HAX1: variants seen among roughly 807,000 people sequenced by gnomAD.
The protein encoded by HAX1 is HCLS1 associated protein X-1, also known as HCLS1-associated protein X-1.
In HAX1, 27 loss-of-function variants were observed where a neutral mutation model predicts 31.1. The ratio of observed to expected loss-of-function variants is 0.87; its 90% confidence interval spans 0.64 to 1.20. The LOEUF is 1.20. Among genes scored for constraint, HAX1 ranks in the 50% most tolerant of loss-of-function variants. The pLI, the probability that HAX1 is intolerant of heterozygous loss-of-function variation, is 0.00. For missense variants in HAX1, 357 were observed against 361.6 expected, an observed-to-expected ratio of 0.99 and a Z score of 0.10; for synonymous variants, 114 against 124.1, an observed-to-expected ratio of 0.92 and a Z score of 0.54.
In HAX1 at chr1:154,273,523, T is replaced by G. The variant is rs1318684198; in HGVS notation, c.241T>G (p.Phe81Val). The G allele has an allele frequency of 2.5e-6, 4 of 1,614,074 alleles. No homozygotes were observed. The African/African-American group carries it at 5.3e-5, about 22-fold the overall frequency. ...GGIRFHDNFG[F>V]DDLVRDFNSI... ...GATACGTTTCCACGATAACTTCGGC[T>G]TTGATGACCTAGTACGAGATTTCAA... The change falls in exon 2 of 7, where the codon TTT becomes GTT. Residue 81 changes from phenylalanine to valine, a missense_variant. Coordinates refer to ENST00000328703, the MANE Select transcript of HAX1 (RefSeq NM_006118.4).
Position 154,275,394 on chromosome 1 carries a change from T to C in HAX1, c.665T>C (p.Ile222Thr), listed in dbSNP as rs753448581. Reference sequence around the variant, plus strand: ...TATGGTGGGGACTTCTCTTTGTAGATAGTGGAGGAGCGCCGGACTGTGGTG... The same window carrying C: ...TATGGTGGGGACTTCTCTTTGTAGACAGTGGAGGAGCGCCGGACTGTGGTG... Reference protein sequence around the residue: ...SVTKITKPDGIVEERRTVVDS... With the variant: ...SVTKITKPDGTVEERRTVVDS... The change falls in exon 6 of 7, where the codon ATA (isoleucine) becomes ACA (threonine). Residue 222 changes from isoleucine (I) to threonine (T), a missense_variant and splice_region_variant. Coordinates refer to ENST00000328703, the MANE Select transcript of HAX1 (RefSeq NM_006118.4). 2 of 1,613,666 alleles carry C rather than the reference T, an allele frequency of 1.2e-6. No individual in the cohort carries two copies. The highest frequency in any genetic ancestry group is 1.7e-6 in the Non-Finnish European group (2 of 1,179,614).
At position 154,273,875 on chromosome 1, in the gene HAX1, A is replaced by G. The variant is rs202225401; in HGVS notation, c.418A>G (p.Ile140Val). The G allele has an allele frequency of 6.2e-7, 1 of 1,614,132 alleles. No individual in the cohort carries two copies. Among genetic ancestry groups the G allele is most frequent in the Non-Finnish European group, 8.5e-7 (1 of 1,180,038 alleles). ...GTATCCAGATAGTCACCAGCCCAGG[A>G]TCTTTGGGGGGGTCTTGGAGAGTGA... Reference protein sequence around the residue: ...LKYPDSHQPRIFGGVLESDAR... With the variant: ...LKYPDSHQPRVFGGVLESDAR... Residue 140 changes from isoleucine (I) to valine (V), a missense_variant, in exon 3 of 7, where the codon ATC becomes GTC. Ile to Val is a conservative substitution (Grantham distance 29). Coordinates refer to ENST00000328703, the MANE Select transcript of HAX1 (RefSeq NM_006118.4).
chr1:154,273,435 C>G lies in HAX1; in HGVS notation c.153C>G (p.Phe51Leu). The change falls in exon 2 of 7, where the codon TTC (phenylalanine) becomes TTG (leucine). Residue 51 changes from phenylalanine to leucine, a missense_variant. Physicochemically the swap from Phe to Leu is conservative, Grantham distance 22. Transcript: ENST00000328703. Reference sequence around the variant, plus strand: ...CATGGGGCCGTGGGAACCCAAGGTTCCATAGTCCTCAGCACCCCCCTGAGG... The same window carrying G: ...CATGGGGCCGTGGGAACCCAAGGTTGCATAGTCCTCAGCACCCCCCTGAGG... ...GGSWGRGNPR[F>L]HSPQHPPEEF... 1 of 1,614,128 alleles carries G rather than the reference C, an allele frequency of 6.2e-7. No individual in the cohort carries two copies. The highest frequency in any genetic ancestry group is 8.5e-7 in the Non-Finnish European group (1 of 1,180,024).
Position 154,273,355 on chromosome 1 carries a change from G to A in HAX1, c.73G>A (p.Gly25Arg). The A allele has an allele frequency of 6.2e-7, 1 of 1,613,296 alleles. No homozygotes were observed. Residue 25 changes from glycine to arginine, a missense_variant, in exon 2 of 7, where the codon GGA becomes AGA. Gly to Arg is a moderately radical substitution (Grantham distance 125, BLOSUM62 -2). Transcript: ENST00000328703. ...TCTCAGCCACAGAGATCCCTTTTTTGGAGGGATGACTCGAGATGAAGATGA... is the reference window on the plus strand; with the variant it reads ...TCTCAGCCACAGAGATCCCTTTTTTAGAGGGATGACTCGAGATGAAGATGA... ...GPRSHRDPFF[G>R]GMTRDEDDDE...
intron 1 of HAX1, 186 bp downstream of exon 1, chr1:154,272,962 A>G: frequency 1.5e-6 from 1 of 656,722 alleles, no homozygotes; most frequent in Admixed American, 2.5e-5. Context: ...AGAAACAGCA[A>G]ACTAAGCCTT....
rs186219647 is a variant in HAX1 at position 154,274,946 on chromosome 1, G to A, written c.505-4G>A. On this transcript the variant is annotated splice_polypyrimidine_tract_variant and splice_region_variant and intron_variant, in intron 3 of 6. Transcript: ENST00000328703. ...CTTTTCACTTACTATGGTTTCTTCT[G>A]CAGTTTGATGATGTATGGCCTATGG... The A allele has an allele frequency of 1.2e-4, 190 of 1,606,882 alleles. 2 individuals are homozygous for A. The highest frequency in any genetic ancestry group is 5.5e-4 in the Admixed American group (33 of 60,010).
chr1:154,273,179 C>G, intron 1 of HAX1, 157 bp from the exon 2 acceptor site: 1 of 699,252 alleles, frequency 1.4e-6, no homozygotes, highest in East Asian at 2.6e-5. Flanking sequence ...AAAGAACTGT[C>G]AGCCATTGTA....
intron 4 of HAX1, 37 bp downstream of exon 4, chr1:154,275,038 G>A: frequency 6.4e-7 from 1 of 1,563,574 alleles, no homozygotes; most frequent in Non-Finnish European, 8.8e-7. Context: ...CCAGCCTTTT[G>A]TTATTCTTCT....
chr1:154,273,902 G>T lies in HAX1; in HGVS notation c.445G>T (p.Ala149Ser). 1 of 1,614,126 alleles carries T rather than the reference G, an allele frequency of 6.2e-7. No homozygotes were observed. The highest frequency in any genetic ancestry group is 1.3e-5 in the African/African-American group (1 of 75,012). Residue 149 changes from alanine to serine, a missense_variant, in exon 3 of 7, where the codon GCA becomes TCA. Coordinates refer to ENST00000328703, the MANE Select transcript of HAX1 (RefSeq NM_006118.4). ...CTTTGGGGGGGTCTTGGAGAGTGAT[G>T]CAAGAAGTGAATCCCCCCAACCAGC... is the stretch of plus-strand genomic sequence containing the variant. ...RIFGGVLESD[A>S]RSESPQPAPD... is the part of the protein sequence containing the mutation.
chr1:154,275,044 C>A, intron 4 of HAX1, 43 bp downstream of exon 4: 1 of 1,537,778 alleles, frequency 6.5e-7, no homozygotes, highest in Non-Finnish European at 9.0e-7. Flanking sequence ...TTTTGTTATT[C>A]TTCTGAAGTT....
chr1:154,273,958 T>C lies in HAX1; in HGVS notation c.501T>C (p.His167=), dbSNP rs2149140060. The C allele has an allele frequency of 1.9e-6, 3 of 1,613,306 alleles. No homozygotes were observed. Among genetic ancestry groups the C allele is most frequent in the Middle Eastern group, 1.7e-4 (1 of 6,060 alleles). The change falls in exon 3 of 7, where the codon CAT becomes CAC. Residue 167 remains histidine (H), a synonymous_variant. Transcript: ENST00000328703. ...ACTGGGGCTCCCAGAGGCCATTTCA[T>C]AGGGTGAGTATCCCATCTGGTCCTG... ...APDWGSQRPF[H]RFDDVWPMDP...
In HAX1 at chr1:154,273,343, G is replaced by C. The variant is rs541476988; in HGVS notation, c.61G>C (p.Asp21His). 17 of 1,613,884 alleles carry C rather than the reference G, an allele frequency of 1.1e-5. No individual in the cohort carries two copies. The South Asian group carries it at 1.5e-4, about 15-fold the overall frequency. The change falls in exon 2 of 7, where the codon GAT becomes CAT. Residue 21 changes from aspartate (D) to histidine (H), a missense_variant. Physicochemically the swap from Asp to His is moderately conservative, Grantham distance 81 (BLOSUM62 -1). Coordinates refer to ENST00000328703, the MANE Select transcript of HAX1 (RefSeq NM_006118.4). Reference sequence around the variant, plus strand: ...ATCTGCCTCCACTCTCAGCCACAGAGATCCCTTTTTTGGAGGGATGACTCG... The same window carrying C: ...ATCTGCCTCCACTCTCAGCCACAGACATCCCTTTTTTGGAGGGATGACTCG... ...FGFPGPRSHR[D>H]PFFGGMTRDE...
At position 154,275,428 on chromosome 1, in the gene HAX1, G is replaced by A. The variant is rs1398388092; in HGVS notation, c.699G>A (p.Glu233=). ...AGCGCCGGACTGTGGTGGACAGTGA[G>A]GGCCGGACAGAGACTACAGTAACCC... is the stretch of plus-strand genomic sequence containing the variant. ...VEERRTVVDS[E]GRTETTVTRH... Residue 233 remains glutamate (E), a synonymous_variant, in exon 6 of 7, where the codon GAG becomes GAA. Coordinates refer to ENST00000328703, the MANE Select transcript of HAX1 (RefSeq NM_006118.4). 5 of 1,614,164 alleles carry A rather than the reference G, an allele frequency of 3.1e-6. No homozygotes were observed. The highest frequency in any genetic ancestry group is 2.5e-6 in the Non-Finnish European group (3 of 1,180,016).
chr1:154,273,863 C>T lies in HAX1; in HGVS notation c.406C>T (p.His136Tyr). 10 of 1,614,116 alleles carry T rather than the reference C, an allele frequency of 6.2e-6. No homozygotes were observed. The highest frequency in any genetic ancestry group is 7.6e-6 in the Non-Finnish European group (9 of 1,179,996). ...CTCAATGCTTAAGTATCCAGATAGT[C>T]ACCAGCCCAGGATCTTTGGGGGGGT... Reference protein sequence around the residue: ...RDSMLKYPDSHQPRIFGGVLE... With the variant: ...RDSMLKYPDSYQPRIFGGVLE... The change falls in exon 3 of 7, where the codon CAC becomes TAC. Residue 136 changes from histidine to tyrosine, a missense_variant. Transcript: ENST00000328703.
intron 4 of HAX1, 31 bp downstream of exon 4, chr1:154,275,032 C>G (rs1436374689): frequency 1.3e-6 from 2 of 1,573,334 alleles, no homozygotes; most frequent in Non-Finnish European, 1.7e-6. Context: ...AGTTTACCAG[C>G]CTTTTGTTAT....
In HAX1 at chr1:154,273,863, CA is replaced by C. The variant is rs748595772; in HGVS notation, c.407del (p.His136ProfsTer78). 5.6e-6 allele frequency: 9 copies of C among 1,613,998 alleles called. No homozygotes were observed. Among genetic ancestry groups the C allele is most frequent in the Non-Finnish European group, 7.6e-6 (9 of 1,180,004 alleles). ...CTCAATGCTTAAGTATCCAGATAGTCACCAGCCCAGGATCTTTGGGGGGGTC... is the reference window on the plus strand; with the variant it reads ...CTCAATGCTTAAGTATCCAGATAGTCCCAGCCCAGGATCTTTGGGGGGGTC... ...RDSMLKYPDS[H>X]QPRIFGGVLE... On this transcript the variant is annotated frameshift_variant, in exon 3 of 7. Coordinates refer to ENST00000328703, the MANE Select transcript of HAX1 (RefSeq NM_006118.4). LOFTEE classifies it high-confidence loss of function.
chr1:154,275,665 G>A lies in HAX1; in HGVS notation c.804G>A (p.Leu268=), dbSNP rs766994372. 47 of 1,613,828 alleles carry A rather than the reference G, an allele frequency of 2.9e-5. No individual in the cohort carries two copies. In the South Asian group the frequency reaches 5.1e-4, roughly 17 times the overall value. Reference sequence around the variant, plus strand: ...CCCTGGATGATGCCTTTTCCATCCTGGACTTATTCCTGGGACGTTGGTTCC... The same window carrying A: ...CCCTGGATGATGCCTTTTCCATCCTAGACTTATTCCTGGGACGTTGGTTCC... ...PPALDDAFSI[L]DLFLGRWFRS... is the part of the protein sequence containing the mutation. Residue 268 remains leucine (L), a synonymous_variant, in exon 7 of 7, where the codon CTG becomes CTA. Transcript: ENST00000328703.
At chr1:154,273,150 TAAAAAA>T (rs373573437) in intron 1 of HAX1, 180 bp from the exon 2 acceptor site, 246 of 516,580 alleles carry the variant, frequency 4.8e-4, no homozygotes, top group Admixed American at 8.1e-4. Context: ...TGACTTTGAT[TAAAAAA>T]AAAAAAAAAA....
Position 154,275,480 on chromosome 1 carries a change from G to A in HAX1, c.751G>A (p.Gly251Ser), listed in dbSNP as rs749921257. 2 of 1,613,412 alleles carry A rather than the reference G, an allele frequency of 1.2e-6. No homozygotes were observed. Among genetic ancestry groups the A allele is most frequent in the Non-Finnish European group, 1.7e-6 (2 of 1,179,346 alleles). ...ACACGAAGCAGATAGCAGTCCTAGGGGTGGTAAGTTAAAAGACAAAGGGGT... is the reference window on the plus strand; with the variant it reads ...ACACGAAGCAGATAGCAGTCCTAGGAGTGGTAAGTTAAAAGACAAAGGGGT... ...TRHEADSSPR[G>S]DPESPRPPAL... Residue 251 changes from glycine (G) to serine (S), a missense_variant, in exon 6 of 7, where the codon GGT (glycine) becomes AGT (serine). Transcript: ENST00000328703.
Sources: gnomAD v4.1 joint callset for allele counts on GRCh38, gnomAD v4.1.1 for gene constraint, MANE v1.5 for transcripts, NCBI Gene and HGNC (gene_info 2026-07-23, HGNC 2026-07-21) for gene names.